Variants in ZNF559 observed in about 807,000 individuals in gnomAD.
ZNF559 encodes putative protein product of Nbla00121.
ZNF559 carries 17 observed loss-of-function variants against 14.2 expected under a neutral mutation model. The ratio of observed to expected loss-of-function variants is 1.20; its 90% CI spans 0.82 to 1.80. ZNF559 has a LOEUF of 1.80. ZNF559 is among the 40% of genes most tolerant of loss of function. The pLI, the probability that ZNF559 is intolerant of heterozygous loss-of-function variation, is 0.00. For missense variants in ZNF559, 740 were observed against 629.7 expected (o/e 1.18, Z -1.88); for synonymous variants, 244 against 212.4 (o/e 1.15, Z -1.29).
At chr19:9,332,783 G>A (rs1186451374) in intron 2 of ZNF559, among the ~76,000 whole-genome samples, 1 of 152,124 alleles carries the variant, frequency 6.6e-6, no homozygotes, top group African/African-American at 2.4e-5. Context: ...CCAAGATTGA[G>A]AAAAATCATG....
At chr19:9,338,425 G>C in intron 3 of ZNF559, 69 bp from the exon 4 acceptor site, 1 of 1,161,998 alleles carries the variant, frequency 8.6e-7, no homozygotes, top group South Asian at 1.3e-5. Context: ...GTATGAGGTG[G>C]CTTCTTGCCT....
In ZNF559 at chr19:9,339,211, G is replaced by T; in HGVS notation, c.52G>T (p.Asp18Tyr). ...GGTTTAGGACTCAGTGACCTTTGAG[G>T]ATGTGGCTGTGGACTTCACCCAGGA... ...NYSQDSVTFE[D>Y]VAVDFTQEEW... Residue 18 changes from aspartate to tyrosine, a missense_variant, in exon 5 of 7, where the codon GAT becomes TAT. Asp to Tyr is a radical substitution (Grantham distance 160, BLOSUM62 -3). Coordinates refer to ENST00000603380, the MANE Select transcript of ZNF559 (RefSeq NM_032497.3). The T allele has an allele frequency of 1.2e-6, 2 of 1,613,962 alleles. No individual in the cohort carries two copies. Among genetic ancestry groups the T allele is most frequent in the Non-Finnish European group, 1.7e-6 (2 of 1,179,898 alleles).
intron 2 of ZNF559, among the ~76,000 whole-genome samples, chr19:9,330,816 T>C (rs1317858219): frequency 6.6e-6 from 1 of 152,224 alleles, no homozygotes; most frequent in Non-Finnish European, 1.5e-5. Flanking sequence ...TTGGGTTGGC[T>C]ACTGAATATT....
At chr19:9,326,754 G>C (rs1485044163) in intron 2 of ZNF559, among the ~76,000 whole-genome samples, 1 of 152,012 alleles carries the variant, frequency 6.6e-6, no homozygotes, top group African/African-American at 2.4e-5. Context: ...CACTTCTTTT[G>C]TACTAAGTCT....
chr19:9,334,827 T>C (rs2067138496), intron 2 of ZNF559, among the ~76,000 whole-genome samples: 1 of 152,072 alleles, frequency 6.6e-6, no homozygotes, highest in South Asian at 2.1e-4. Flanking sequence ...GATAGGTTTT[T>C]TAGAAGTATA....
At chr19:9,338,794 TCTGA>T (rs1307268905) in intron 4 of ZNF559, among the ~76,000 whole-genome samples, 3 of 152,198 alleles carry the variant, frequency 2.0e-5, no homozygotes, top group African/African-American at 7.2e-5. Flanking sequence ...ACTAATTCAG[TCTGA>T]CTGTCATCCA....
intron 2 of ZNF559, among the ~76,000 whole-genome samples, chr19:9,325,321 G>A (rs1181550332): frequency 2.0e-5 from 3 of 151,848 alleles, no homozygotes; most frequent in East Asian, 1.9e-4. Context: ...TGGTGTCTGT[G>A]GTCCCATCCA....
At chr19:9,327,270 C>T (rs2066667607) in intron 2 of ZNF559, among the ~76,000 whole-genome samples, 2 of 114,378 alleles carry the variant, frequency 1.7e-5, no homozygotes, top group East Asian at 2.4e-4. Context: ...TTTGTTTTGA[C>T]GGAGTCTCAC....
chr19:9,340,473 C>T (rs1475527920), intron 5 of ZNF559, among the ~76,000 whole-genome samples: 1 of 150,228 alleles, frequency 6.7e-6, no homozygotes, highest in Non-Finnish European at 1.5e-5. Context: ...TATCCATTTC[C>T]TTTCAACTTT....
rs749579068 is a variant in ZNF559, at chr19:9,342,200, T to G, written c.749T>G (p.Phe250Cys). 27 of 1,602,918 alleles carry G rather than the reference T, an allele frequency of 1.7e-5. No homozygotes were observed. The highest frequency in any genetic ancestry group is 2.3e-5 in the Non-Finnish European group (27 of 1,176,352). The change falls in exon 7 of 7, where the codon TTC becomes TGC. Residue 250 changes from phenylalanine (F) to cysteine (C), a missense_variant. Phe to Cys is a radical substitution (Grantham distance 205, BLOSUM62 -2). Transcript: ENST00000603380. ...GAATGTAAAGCATGTGGGAAACCCT[T>G]CACTGAGTCGTCATATCTTACTCAA... The part of the protein sequence containing the change: ...FYECKACGKP[F>C]TESSYLTQHL...
intron 2 of ZNF559, among the ~76,000 whole-genome samples, chr19:9,328,308 GGTTAT>G (rs919840676): frequency 6.9e-6 from 1 of 144,612 alleles, no homozygotes; most frequent in Admixed American, 6.8e-5. Flanking sequence ...TTCTCTGTGT[GGTTAT>G]GTTATGAATT....
chr19:9,339,559 T>C (rs2067428572), intron 5 of ZNF559, among the ~76,000 whole-genome samples: 1 of 152,170 alleles, frequency 6.6e-6, no homozygotes, highest in East Asian at 1.9e-4. Context: ...GTGTATGAGC[T>C]TAAGCCTGGG....
intron 1 of ZNF559, 164 bp downstream of exon 1, chr19:9,324,392 G>A: frequency 6.7e-7 from 1 of 1,482,016 alleles, no homozygotes; most frequent in Non-Finnish European, 8.9e-7. Flanking sequence ...CCTCCTCTGA[G>A]AGCCACAGTC....
rs906566670 is a variant in ZNF559, at chr19:9,343,768, A to G, written c.*700A>G. 17 of 985,606 alleles carry G rather than the reference A, an allele frequency of 1.7e-5. No individual in the cohort carries two copies. The highest frequency in any genetic ancestry group is 5.2e-4 in the Middle Eastern group (1 of 1,936). 61.1% of individuals were successfully genotyped at this position (985,606 alleles called of 1,614,324 possible). A position where few individuals can be genotyped will look rare whatever the true frequency, so the allele number is the denominator to read the frequency against. ...CAAAAAGTCACACTAGAGGAATGCC[A>G]TATCAGAATGCTTTTGGTAAATATA... is the stretch of plus-strand genomic sequence containing the variant. On this transcript the variant is annotated 3_prime_UTR_variant, in exon 7 of 7. Coordinates refer to ENST00000603380, the MANE Select transcript of ZNF559 (RefSeq NM_032497.3).
Position 9,342,755 on chromosome 19 carries a change from G to A in ZNF559, c.1304G>A (p.Arg435Lys). 6.2e-7 allele frequency: 1 copy of A among 1,613,922 alleles called. No homozygotes were observed. Among genetic ancestry groups the A allele is most frequent in the East Asian group, 2.2e-5 (1 of 44,854 alleles). ...IRHLRSHSAE[R>K]PFECEECGKA... ...CATTTGAGAAGTCACAGTGCAGAAAGGCCTTTTGAATGTGAGGAATGTGGG... is the reference window on the plus strand; with the variant it reads ...CATTTGAGAAGTCACAGTGCAGAAAAGCCTTTTGAATGTGAGGAATGTGGG... Residue 435 changes from arginine (R) to lysine (K), a missense_variant, in exon 7 of 7, where the codon AGG becomes AAG. By Grantham distance (26) the Arg-to-Lys change is conservative. Transcript: ENST00000603380.
In ZNF559 at chr19:9,343,080, T is replaced by TA; in HGVS notation, c.*13dup. 1.3e-6 allele frequency: 2 copies of TA among 1,598,048 alleles called. No homozygotes were observed. Among genetic ancestry groups the TA allele is most frequent in the East Asian group, 4.5e-5 (2 of 44,826 alleles). On this transcript the variant is annotated 3_prime_UTR_variant, in exon 7 of 7. Transcript: ENST00000603380. ...CTGAATGTGTGTGAATTGGGGCTGA[T>TA]ACTTGGAAAGAATGTGGTAAAGCCA...
chr19:9,337,816 G>A lies in ZNF559; in HGVS notation c.-99G>A, dbSNP rs561549316. The A allele has an allele frequency of 1.7e-5, 25 of 1,456,642 alleles. No homozygotes were observed. The highest frequency in any genetic ancestry group is 2.3e-4 in the Middle Eastern group (1 of 4,372). 90.2% of individuals were successfully genotyped at this position (1,456,642 alleles called of 1,614,324 possible). A position where few individuals can be genotyped will look rare whatever the true frequency, so the allele number is the denominator to read the frequency against. On this transcript the variant is annotated 5_prime_UTR_variant, in exon 3 of 7. Transcript: ENST00000603380. The stretch of plus-strand genomic sequence containing the variant: ...TGCAGAGAGATGGCTAATGAATGGC[G>A]CTTGATGACAGATGAGTAATGCCTG...
At position 9,342,096 on chromosome 19, in the gene ZNF559, T is replaced by A; in HGVS notation, c.645T>A (p.His215Gln). Residue 215 changes from histidine to glutamine, a missense_variant, in exon 7 of 7, where the codon CAT (histidine) becomes CAA (glutamine). His to Gln is a conservative substitution (Grantham distance 24). Transcript: ENST00000603380. ...ATGGTGGAGAGAGACCATATACTCA[T>A]AAGGAGTATGTCGAAACCTTTTCTC... is the stretch of plus-strand genomic sequence containing the variant. The part of the protein sequence containing the change: ...RIYGGERPYT[H>Q]KEYVETFSHS... 1 of 1,613,426 alleles carries A rather than the reference T, an allele frequency of 6.2e-7. No homozygotes were observed. The highest frequency in any genetic ancestry group is 1.1e-5 in the South Asian group (1 of 90,884).
At chr19:9,340,590 A>G (rs1599349659) in intron 5 of ZNF559, among the ~76,000 whole-genome samples, 1 of 35,562 alleles carries the variant, frequency 2.8e-5, no homozygotes, top group African/African-American at 1.0e-4. Flanking sequence ...AAAAAAAAAA[A>G]AGAGTCTTGC....
Sources: allele counts gnomAD v4.1 joint callset (sites outside exome capture counted in the v4.1 genomes callset), GRCh38; gene constraint gnomAD v4.1.1; transcripts MANE v1.5; gene names NCBI Gene and HGNC (gene_info 2026-07-23, HGNC 2026-07-21).